SPACA6: variants seen among roughly 807,000 people sequenced by gnomAD.
SPACA6 encodes the protein sperm acrosome associated 6, also known as sperm acrosome membrane-associated protein 6.
For missense variants in SPACA6, 8 were observed against 2.8 expected (o/e 2.88, Z -1.34); for synonymous variants, 6 against 1.5 (o/e 4.05, Z -2.21).
chr19:51,683,434 T>G, the SPACA6 span, among the ~76,000 whole-genome samples: 1 of 151,956 alleles, frequency 6.6e-6, no homozygotes, highest in Admixed American at 6.6e-5. Context: ...TTTGGTGGGG[T>G]GGGGACACAA....
At chr19:51,691,038 TCCGGC>T (rs983688272), upstream of SPACA6, among the ~76,000 whole-genome samples, 2 of 150,690 alleles carry the variant, frequency 1.3e-5, no homozygotes, top group African/African-American at 4.9e-5. Flanking sequence ...TAGACCCGTC[TCCGGC>T]CCCCGCCTCC....
intron 3 of SPACA6, 143 bp from the exon 4 acceptor site, chr19:51,702,486 T>C: frequency 2.5e-6 from 1 of 392,744 alleles, no homozygotes; most frequent in Non-Finnish European, 4.5e-6. Flanking sequence ...CCAGCCGGCT[T>C]GACCCCGCCC....
chr19:51,684,385 A>T (rs2083319072), upstream of SPACA6, among the ~76,000 whole-genome samples: 1 of 152,236 alleles, frequency 6.6e-6, no homozygotes, highest in Non-Finnish European at 1.5e-5. Flanking sequence ...CCCAAGGTGA[A>T]GAGAAAGGCT....
chr19:51,705,096 C>G lies in SPACA6; in HGVS notation c.948C>G (p.Phe316Leu), dbSNP rs2083508318. 5.0e-6 allele frequency: 2 copies of G among 401,226 alleles called. No homozygotes were observed. The highest frequency in any genetic ancestry group is 8.8e-6 in the Non-Finnish European group (2 of 226,302). The allele number at this position is 401,226 out of a possible 1,614,324, so 24.9% of individuals were successfully genotyped here. The change falls in exon 9 of 9, where the codon TTC becomes TTG. Residue 316 changes from phenylalanine to leucine, a missense_variant. Physicochemically the swap from Phe to Leu is conservative, Grantham distance 22. Coordinates refer to ENST00000637797, the MANE Select transcript of SPACA6 (RefSeq NM_001316972.2). ...TACCTCTTTGTTTCCCCAGGATGTT[C>G]TTTCGATGGTACTGCAGTGGCAACT... ...SASATVLAWM[F>L]FRWYCSGN
At chr19:51,707,748 G>T (rs1320925223), downstream of SPACA6, among the ~76,000 whole-genome samples, 1 of 152,192 alleles carries the variant, frequency 6.6e-6, no homozygotes, top group African/African-American at 2.4e-5. Flanking sequence ...CAAGCCAGGG[G>T]CTCCTGCAAC....
chr19:51,695,571 C>CA, intron 2 of SPACA6, among the ~76,000 whole-genome samples: 1 of 152,190 alleles, frequency 6.6e-6, no homozygotes, highest in East Asian at 1.9e-4. Context: ...GAGAAGGCCT[C>CA]AGCTGTGGCT....
At chr19:51,711,313 A>C (rs1386296053) in intron 2 of SPACA6, among the ~76,000 whole-genome samples, 1 of 152,186 alleles carries the variant, frequency 6.6e-6, no homozygotes, top group Non-Finnish European at 1.5e-5. Context: ...TAGTCATTAG[A>C]GAAGGGCAAA....
chr19:51,706,946 C>T (rs1413929772), downstream of SPACA6, among the ~76,000 whole-genome samples: 2 of 152,346 alleles, frequency 1.3e-5, no homozygotes, highest in East Asian at 3.9e-4. Flanking sequence ...CAGGCGTGAG[C>T]CACCGCTCCC....
upstream of SPACA6, among the ~76,000 whole-genome samples, chr19:51,688,957 A>AGAGAGC (rs1568612388): frequency 5.6e-5 from 4 of 71,634 alleles, no homozygotes; most frequent in African/African-American, 2.0e-4. Context: ...AGGGAGAGAG[A>AGAGAGC]GAGCGAGAGA....
chr19:51,690,638 G>A (rs899027289), upstream of SPACA6, among the ~76,000 whole-genome samples: 1 of 152,150 alleles, frequency 6.6e-6, no homozygotes, highest in Non-Finnish European at 1.5e-5. Flanking sequence ...GAAGTCCAGA[G>A]CCTACCCCTT....
At chr19:51,712,529 A>C (rs2083547157), downstream of SPACA6, 1 of 151,378 alleles carries the variant, frequency 6.6e-6, no homozygotes, top group South Asian at 2.1e-4. Context: ...GAACTGACGG[A>C]GGATCAGGTG....
At chr19:51,691,945 C>A (rs1057451019), upstream of SPACA6, among the ~76,000 whole-genome samples, 1 of 152,156 alleles carries the variant, frequency 6.6e-6, no homozygotes, top group Admixed American at 6.5e-5. Context: ...TCAGCCCCCT[C>A]ACCTGCCAAA....
chr19:51,692,448 G>A (rs952444067), upstream of SPACA6, among the ~76,000 whole-genome samples: 1 of 152,106 alleles, frequency 6.6e-6, no homozygotes, highest in Non-Finnish European at 1.5e-5. This position sits in a 1 kb window ranked among gnomAD's most constrained non-coding sequence, Gnocchi z 5.6. Flanking sequence ...CCAGAGGCCT[G>A]GATTCCTGGG....
chr19:51,692,390 G>A (rs977399286), upstream of SPACA6, among the ~76,000 whole-genome samples: 16 of 152,088 alleles, frequency 1.1e-4, no homozygotes, highest in Admixed American at 7.8e-4. This position sits in a 1 kb window ranked among gnomAD's most constrained non-coding sequence, Gnocchi z 5.6. Context: ...GTCTGAGGGA[G>A]GAAGGGGCTG....
upstream of SPACA6, chr19:51,687,559 A>C (rs565588231): frequency 2.0e-5 from 3 of 151,590 alleles, no homozygotes; most frequent in South Asian, 6.3e-4. Flanking sequence ...GGAGGGTGGT[A>C]TATATGTGCA....
chr19:51,706,689 C>T (rs925528472), downstream of SPACA6, among the ~76,000 whole-genome samples: 22 of 149,150 alleles, frequency 1.5e-4, no homozygotes, highest in Non-Finnish European at 2.2e-4. Context: ...TTTTGAGTTT[C>T]GCTCTTGTTG....
chr19:51,704,110 C>T lies in SPACA6; in HGVS notation c.654C>T (p.Leu218=). ...TGGCGCGGATCCGGCCGGCTCAGCTCACGCACCGCGGGACGTTCTCCTGCG... is the reference window on the plus strand; with the variant it reads ...TGGCGCGGATCCGGCCGGCTCAGCTTACGCACCGCGGGACGTTCTCCTGCG... ...GYLARIRPAQ[L]THRGTFSCVI... Residue 218 remains leucine, a synonymous_variant, in exon 7 of 9, where the codon CTC becomes CTT. Transcript: ENST00000637797. 1.0e-5 allele frequency: 4 copies of T among 401,210 alleles called. No homozygotes were observed. Among genetic ancestry groups the T allele is most frequent in the Non-Finnish European group, 1.8e-5 (4 of 226,216 alleles). The allele number at this position is 401,210 out of a possible 1,614,324, so 24.9% of individuals were successfully genotyped here.
At chr19:51,700,291 A>ATT (rs2083459215) in intron 2 of SPACA6, among the ~76,000 whole-genome samples, 2 of 152,050 alleles carry the variant, frequency 1.3e-5, no homozygotes, top group African/African-American at 4.8e-5. Flanking sequence ...AGGAACATAA[A>ATT]AGAGTAAAAG....
intron 2 of SPACA6, among the ~76,000 whole-genome samples, chr19:51,694,929 CT>C (rs1341302279): frequency 6.6e-6 from 1 of 152,050 alleles, no homozygotes; most frequent in Non-Finnish European, 1.5e-5. Flanking sequence ...GTGGGACAAT[CT>C]TCTTGCCTCC....
Sources: gnomAD v4.1 joint callset for allele counts (sites outside exome capture counted in the v4.1 genomes callset) on GRCh38, gnomAD v4.1.1 for gene constraint, Gnocchi (gnomAD v3.1) non-coding constraint, MANE v1.5 for transcripts, NCBI Gene and HGNC (gene_info 2026-07-23, HGNC 2026-07-21) for gene names.